KIF6: variants seen among roughly 807,000 people sequenced by gnomAD.
The protein encoded by KIF6 is kinesin-like protein KIF6.
KIF6 carries 106 observed loss-of-function variants against 112.7 expected under a neutral mutation model. That is an observed-to-expected ratio of 0.94 (90% CI 0.80 to 1.11). KIF6 has a LOEUF of 1.11. Among genes scored for constraint, KIF6 ranks in the 50% least tolerant of loss-of-function variants. The pLI, the probability that KIF6 is intolerant of heterozygous loss-of-function variation, is 0.00. For synonymous variants in KIF6, 339 were observed against 339.9 expected, an observed-to-expected ratio of 1.00 and a Z score of 0.03; for missense variants, 929 against 964.0, an observed-to-expected ratio of 0.96 and a Z score of 0.48.
At chr6:39,543,659 G>T (rs1022633033) in intron 12 of KIF6, among the ~76,000 whole-genome samples, 2 of 152,174 alleles carry the variant, frequency 1.3e-5, no homozygotes, top group Non-Finnish European at 2.9e-5. Flanking sequence ...AGAACTGACC[G>T]AAAGGATTTC....
At chr6:39,461,439 G>C (rs374608460) in intron 13 of KIF6, among the ~76,000 whole-genome samples, 1 of 152,010 alleles carries the variant, frequency 6.6e-6, no homozygotes, top group South Asian at 2.1e-4. Context: ...AAACTATGAT[G>C]TAAGTCATAC....
At chr6:39,534,084 A>C (rs1424461124) in intron 13 of KIF6, among the ~76,000 whole-genome samples, 1 of 152,196 alleles carries the variant, frequency 6.6e-6, no homozygotes, top group Non-Finnish European at 1.5e-5. Context: ...TCAAAGACCA[A>C]AAGTAGATAA....
At chr6:39,614,476 T>A (rs1554135557) in intron 5 of KIF6, among the ~76,000 whole-genome samples, 1 of 152,168 alleles carries the variant, frequency 6.6e-6, no homozygotes, top group African/African-American at 2.4e-5. Context: ...AGTATCATAA[T>A]TTTTTTCATC....
chr6:39,611,456 A>G (rs1351850469), intron 6 of KIF6, among the ~76,000 whole-genome samples: 4 of 152,222 alleles, frequency 2.6e-5, no homozygotes, highest in African/African-American at 9.6e-5. Flanking sequence ...ATAACTTTGA[A>G]AGAGCAAATG....
At chr6:39,463,376 TA>T (rs1773592939) in intron 13 of KIF6, among the ~76,000 whole-genome samples, 1 of 152,138 alleles carries the variant, frequency 6.6e-6, no homozygotes, top group Middle Eastern at 3.2e-3. Flanking sequence ...AAAATATTCT[TA>T]AAAAAACATG....
At chr6:39,457,686 G>T (rs1484333936) in intron 13 of KIF6, among the ~76,000 whole-genome samples, 1 of 151,924 alleles carries the variant, frequency 6.6e-6, no homozygotes, top group Non-Finnish European at 1.5e-5. Flanking sequence ...TGATAAAGGG[G>T]ATATCACCAC....
rs185548525 is a variant in KIF6, at chr6:39,636,908, T to C, written c.400-1950A>G. ...ACCCTTATCCTCAGCTGTTTCACCA[T>C]AAAAATGGGGATAATAGCCCTGATC... On this transcript the variant is annotated intron_variant, in intron 4 of 22. Transcript: ENST00000287152. 1.2e-3 allele frequency among the ~76,000 whole-genome samples: 178 copies of C among 152,114 alleles called. 1 individual carries two copies. Among genetic ancestry groups the C allele is most frequent in the Admixed American group, 2.8e-3 (42 of 15,244 alleles).
At chr6:39,678,683 T>A (rs1787319482) in intron 3 of KIF6, among the ~76,000 whole-genome samples, 1 of 152,196 alleles carries the variant, frequency 6.6e-6, no homozygotes, top group Non-Finnish European at 1.5e-5. Context: ...CCACTGAATT[T>A]CACTCAGCAA....
At chr6:39,383,037 TAAG>T in intron 16 of KIF6, among the ~76,000 whole-genome samples, 1 of 151,584 alleles carries the variant, frequency 6.6e-6, no homozygotes, top group African/African-American at 2.4e-5. Context: ...TTGATTCATT[TAAG>T]TTCCTTATCG....
chr6:39,519,178 T>C (rs1209291915), intron 13 of KIF6, among the ~76,000 whole-genome samples: 1 of 152,172 alleles, frequency 6.6e-6, no homozygotes, highest in Non-Finnish European at 1.5e-5. Flanking sequence ...ATATTTCGGC[T>C]TGTCAGCTTG....
intron 13 of KIF6, among the ~76,000 whole-genome samples, chr6:39,433,994 T>G (rs1771344018): frequency 6.6e-6 from 1 of 152,186 alleles, no homozygotes; most frequent in Admixed American, 6.5e-5. Context: ...AAGAAATCAC[T>G]TCCTTGTCCC....
chr6:39,449,049 A>G (rs1273741390), intron 13 of KIF6, among the ~76,000 whole-genome samples: 1 of 152,230 alleles, frequency 6.6e-6, no homozygotes, highest in African/African-American at 2.4e-5. Flanking sequence ...CAATCCCTTC[A>G]GAATAATGCC....
intron 7 of KIF6, among the ~76,000 whole-genome samples, chr6:39,587,310 G>A (rs557207721): frequency 2.7e-4 from 41 of 152,246 alleles, no homozygotes; most frequent in African/African-American, 8.2e-4. Flanking sequence ...GAATACCTCC[G>A]CCAATGCCTG....
At chr6:39,379,093 G>T (rs1246463134) in intron 16 of KIF6, among the ~76,000 whole-genome samples, 2 of 152,164 alleles carry the variant, frequency 1.3e-5, no homozygotes, top group African/African-American at 4.8e-5. Context: ...ATAAATTCTG[G>T]CTTGTATTTA....
intron 13 of KIF6, among the ~76,000 whole-genome samples, chr6:39,464,034 T>G (rs577132860): frequency 5.7e-4 from 87 of 152,296 alleles, no homozygotes; most frequent in African/African-American, 2.0e-3. Context: ...TGGCTGATCA[T>G]ATTTATGTTT....
chr6:39,714,995 C>T (rs1239784491), intron 2 of KIF6: 2 of 377,252 alleles, frequency 5.3e-6, no homozygotes, highest in Non-Finnish European at 9.5e-6. Flanking sequence ...CACAATAAAT[C>T]CCTCTGAAAA....
At chr6:39,575,708 G>A (rs191516415) in intron 10 of KIF6, among the ~76,000 whole-genome samples, 186 of 152,298 alleles carry the variant, frequency 1.2e-3, no homozygotes, top group Non-Finnish European at 2.4e-3. Context: ...CTGCAGAGGA[G>A]GAGGGCTCAG....
intron 3 of KIF6, among the ~76,000 whole-genome samples, chr6:39,642,799 T>C (rs1470549458): frequency 6.6e-6 from 1 of 152,148 alleles, no homozygotes; most frequent in Non-Finnish European, 1.5e-5. Context: ...GGACTATATG[T>C]ATGCCCAGAA....
At chr6:39,533,125 G>A (rs893673665) in intron 13 of KIF6, among the ~76,000 whole-genome samples, 44 of 152,340 alleles carry the variant, frequency 2.9e-4, no homozygotes, top group Middle Eastern at 3.4e-3. Flanking sequence ...TAAGGTACTG[G>A]GTTCATCTCA....
Sources: gnomAD v4.1 joint callset for allele counts (sites outside exome capture counted in the v4.1 genomes callset) on GRCh38, gnomAD v4.1.1 for gene constraint, MANE v1.5 for transcripts, NCBI Gene and HGNC (gene_info 2026-07-23, HGNC 2026-07-21) for gene names.